The following CSRNP2 variants were observed in gnomAD, a reference collection of about 807,000 sequenced individuals.
The protein encoded by CSRNP2 is cysteine and serine rich nuclear protein 2.
CSRNP2 carries 11 observed loss-of-function variants against 36.6 expected under a neutral mutation model. The observed-to-expected ratio is 0.30, with a 90% confidence interval of 0.19 to 0.50. The LOEUF (loss-of-function observed/expected upper bound fraction) is 0.50, where lower values mean the gene tolerates loss of function less well. CSRNP2 is among the 20% of genes least tolerant of loss of function. CSRNP2 has a pLI of 0.98. For synonymous variants in CSRNP2, 248 were observed against 275.3 expected, an observed-to-expected ratio of 0.90 and a Z score of 0.98; for missense variants, 483 against 691.4, an observed-to-expected ratio of 0.70 and a Z score of 3.38.
intron 2 of CSRNP2, among the ~76,000 whole-genome samples, chr12:51,075,880 C>A (rs1447730683): frequency 1.3e-5 from 2 of 152,126 alleles, no homozygotes; most frequent in Non-Finnish European, 2.9e-5. Context: ...GAAACCTTGT[C>A]TCTACTAAAA....
At chr12:51,068,007 A>G in intron 3 of CSRNP2, 38 bp from the exon 4 acceptor site, 1 of 1,586,892 alleles carries the variant, frequency 6.3e-7, no homozygotes, top group Non-Finnish European at 8.6e-7. Context: ...CATAGACATG[A>G]GCGGCATGCA....
rs1262879432 is a variant in CSRNP2, at chr12:51,073,820, C to T, written c.411+3G>A. On this transcript the variant is annotated splice_donor_region_variant and intron_variant, in intron 3 of 4. Transcript: ENST00000228515. ...AGCAGTAGATCCCAGAACACTTAGG[C>T]ACCTTCATTTTCTTGGCATGGAGTT... The T allele has an allele frequency of 3.1e-6, 5 of 1,613,032 alleles. No individual in the cohort carries two copies. The highest frequency in any genetic ancestry group is 4.2e-6 in the Non-Finnish European group (5 of 1,179,684).
At chr12:51,080,101 A>AAAAAAAG (rs1939574124) in intron 1 of CSRNP2, among the ~76,000 whole-genome samples, 2 of 135,310 alleles carry the variant, frequency 1.5e-5, no homozygotes, top group South Asian at 2.6e-4. Flanking sequence ...AAAAAAAAAG[A>AAAAAAAG]GGGAGGGAGG....
In CSRNP2 at chr12:51,062,208, T is replaced by C. The variant is rs1382577721; in HGVS notation, c.*1538A>G. On this transcript the variant is annotated 3_prime_UTR_variant, in exon 5 of 5. Transcript: ENST00000228515. ...TTTCTGTAAGACACCAGGGCCTTAA[T>C]ATCCCACCAGAAAAGGCTTTATGAG... 2.0e-5 allele frequency: 3 copies of C among 152,186 alleles called. No individual in the cohort carries two copies. The highest frequency in any genetic ancestry group is 3.8e-4 in the East Asian group (2 of 5,198). The allele number at this position is 152,186 out of a possible 1,614,324, so 9.4% of individuals were successfully genotyped here.
At chr12:51,072,569 A>C (rs4768954) in intron 3 of CSRNP2, among the ~76,000 whole-genome samples, 445 of 40,630 alleles carry the variant, frequency 0.011, no homozygotes, top group Admixed American at 0.028. Flanking sequence ...TCTCAAAAAA[A>C]AAAAAAAAAA....
rs1247520672 is a variant in CSRNP2 at position 51,064,225 on chromosome 12, G to C, written c.1153C>G (p.Leu385Val). ...CACAGGACAGAGGAGCCTGGGGGCAGCTGAGCCTGGATGAGAATGGGGGCT... is the reference window on the plus strand; with the variant it reads ...CACAGGACAGAGGAGCCTGGGGGCACCTGAGCCTGGATGAGAATGGGGGCT... ...LTAPILIQAQ[L>V]PPGSSVLCFT... The change falls in exon 5 of 5, where the codon CTG (leucine) becomes GTG (valine). Residue 385 changes from leucine (L) to valine (V), a missense_variant. Around this residue, in one of 2 missense-constraint regions of CSRNP2, gnomAD observed 277 missense variants for 323.6 expected, o/e 0.86. Transcript: ENST00000228515. 6.2e-7 allele frequency: 1 copy of C among 1,613,766 alleles called. No individual in the cohort carries two copies. The highest frequency in any genetic ancestry group is 1.1e-5 in the South Asian group (1 of 91,062).
At chr12:51,066,959 A>C (rs78231216) in intron 4 of CSRNP2, among the ~76,000 whole-genome samples, 1 of 151,738 alleles carries the variant, frequency 6.6e-6, no homozygotes, top group Non-Finnish European at 1.5e-5. Context: ...CCTCTTGAGT[A>C]CCTGGGACTA....
At chr12:51,075,473 A>G (rs567827946) in intron 2 of CSRNP2, among the ~76,000 whole-genome samples, 10 of 152,366 alleles carry the variant, frequency 6.6e-5, no homozygotes, top group African/African-American at 2.4e-4. Context: ...TGGACAATGC[A>G]GATACAGAAC....
At chr12:51,077,781 T>C (rs1039590504) in intron 1 of CSRNP2, among the ~76,000 whole-genome samples, 1 of 152,218 alleles carries the variant, frequency 6.6e-6, no homozygotes, top group Non-Finnish European at 1.5e-5. Context: ...CTTTGCCCTC[T>C]ATAAAGAAAT....
chr12:51,067,724 C>G lies in CSRNP2; in HGVS notation c.657G>C (p.Leu219=), dbSNP rs747286532. ...AGGCACACGCTTCTGGGTCACAATA[C>G]AGTCGGCAGTCACAACCACATTCTT... is the stretch of plus-strand genomic sequence containing the variant. ...SREECGCDCR[L]YCDPEACACS... is the part of the protein sequence containing the mutation. Residue 219 remains leucine (L), a synonymous_variant, in exon 4 of 5, where the codon CTG becomes CTC. Transcript: ENST00000228515. The surrounding 1 kb of genome is among the most constrained non-coding windows in gnomAD (Gnocchi z 4.1). 1 of 1,614,196 alleles carries G rather than the reference C, an allele frequency of 6.2e-7. No individual in the cohort carries two copies. The highest frequency in any genetic ancestry group is 1.3e-5 in the African/African-American group (1 of 75,046).
rs371205128 is a variant in CSRNP2, at chr12:51,064,821, T to G, written c.709-152A>C. 9.0e-6 allele frequency: 5 copies of G among 554,702 alleles called. No individual in the cohort carries two copies. The African/African-American group carries it at 9.3e-5, about 10-fold the overall frequency. The allele number at this position is 554,702 out of a possible 1,614,324, so 34.4% of individuals were successfully genotyped here. A position where few individuals can be genotyped will look rare whatever the true frequency, so the allele number is the denominator to read the frequency against. On this transcript the variant is annotated intron_variant, in intron 4 of 4. Transcript: ENST00000228515. Reference sequence around the variant, plus strand: ...TCAAAGCATAGCATGCAGTGTGAGCTAACAGAACACTAGATGGTAGTTATC... The same window carrying G: ...TCAAAGCATAGCATGCAGTGTGAGCGAACAGAACACTAGATGGTAGTTATC...
At position 51,063,539 on chromosome 12, in the gene CSRNP2, TATC is replaced by T; in HGVS notation, c.*204_*206del. 2.4e-6 allele frequency: 1 copy of T among 414,010 alleles called. No individual in the cohort carries two copies. Among genetic ancestry groups the T allele is most frequent in the Non-Finnish European group, 4.3e-6 (1 of 233,844 alleles). The allele number at this position is 414,010 out of a possible 1,614,324, so 25.6% of individuals were successfully genotyped here. A position where few individuals can be genotyped will look rare whatever the true frequency, so the allele number is the denominator to read the frequency against. On this transcript the variant is annotated 3_prime_UTR_variant, in exon 5 of 5. Coordinates refer to ENST00000228515, the MANE Select transcript of CSRNP2 (RefSeq NM_030809.3). The stretch of plus-strand genomic sequence containing the variant: ...TACGCAGCTTTCTTTGCCCCAAGAC[TATC>T]CCCAGATCAAGGTAGGGCTGGTCTC...
chr12:51,070,168 C>T (rs535427902), intron 3 of CSRNP2, among the ~76,000 whole-genome samples: 2 of 152,132 alleles, frequency 1.3e-5, no homozygotes, highest in Admixed American at 6.6e-5. Context: ...ATGAAAGCCA[C>T]GTGACTGGAG....
At chr12:51,065,309 C>T (rs941543660) in intron 4 of CSRNP2, among the ~76,000 whole-genome samples, 4 of 152,186 alleles carry the variant, frequency 2.6e-5, no homozygotes, top group African/African-American at 9.7e-5. Context: ...AGATAATTAA[C>T]TTACAGACCA....
At chr12:51,071,239 A>C (rs1425373146) in intron 3 of CSRNP2, among the ~76,000 whole-genome samples, 2 of 145,804 alleles carry the variant, frequency 1.4e-5, no homozygotes, top group Non-Finnish European at 3.0e-5. Context: ...CAGCCTGGGC[A>C]ACGGAGTGAG....
chr12:51,063,922 G>A lies in CSRNP2; in HGVS notation c.1456C>T (p.Pro486Ser), dbSNP rs1444626686. 6.2e-7 allele frequency: 1 copy of A among 1,613,936 alleles called. No individual in the cohort carries two copies. The change falls in exon 5 of 5, where the codon CCC (proline) becomes TCC (serine). Residue 486 changes from proline (P) to serine (S), a missense_variant. Physicochemically the swap from Pro to Ser is moderately conservative, Grantham distance 74. Coordinates refer to ENST00000228515, the MANE Select transcript of CSRNP2 (RefSeq NM_030809.3). ...GGCTCCTCAGGGTTACAATCTTCGG[G>A]CAATAGAGCTTCTAGGGTGGGTGTT... The part of the protein sequence containing the change: ...GKTPTLEALL[P>S]EDCNPEEPEN...
At position 51,071,868 on chromosome 12, in the gene CSRNP2, G is replaced by A. The variant is rs148338056; in HGVS notation, c.411+1955C>T. Among the ~76,000 whole-genome samples the A allele has an allele frequency of 3.4e-4, 52 of 152,238 alleles. No individual in the cohort carries two copies. In the East Asian group the frequency reaches 8.7e-3, roughly 25 times the overall value. On this transcript the variant is annotated intron_variant, in intron 3 of 4. Coordinates refer to ENST00000228515, the MANE Select transcript of CSRNP2 (RefSeq NM_030809.3). Reference sequence around the variant, plus strand: ...TGTTTATTTGCCCAGCTGTTGCTACGGCAGCTGGAAGGTGACAGGGTCAGT... The same window carrying A: ...TGTTTATTTGCCCAGCTGTTGCTACAGCAGCTGGAAGGTGACAGGGTCAGT...
At chr12:51,079,768 T>TCA (rs1939549856) in intron 1 of CSRNP2, among the ~76,000 whole-genome samples, 1 of 8,232 alleles carries the variant, frequency 1.2e-4, no homozygotes, top group Non-Finnish European at 3.6e-4. Flanking sequence ...GGAGACCTTG[T>TCA]CAAAAAAAAA....
rs765214142 is a variant in CSRNP2 at position 51,063,839 on chromosome 12, G to A, written c.1539C>T (p.Asp513=). 23 of 1,613,948 alleles carry A rather than the reference G, an allele frequency of 1.4e-5. No individual in the cohort carries two copies. The highest frequency in any genetic ancestry group is 1.8e-5 in the Non-Finnish European group (21 of 1,179,896). ...WSPSSLPFRT[D]NEEGCGMVKT... is the part of the protein sequence containing the mutation. ...TCACCATCCCACAGCCCTCTTCATT[G>A]TCCGTGCGGAAGGGGAGGCTTGAGG... The change falls in exon 5 of 5, where the codon GAC becomes GAT. Residue 513 remains aspartate (D), a synonymous_variant. Transcript: ENST00000228515.
Sources: gnomAD v4.1 joint callset for allele counts (sites outside exome capture counted in the v4.1 genomes callset) on GRCh38, gnomAD v4.1.1 for gene constraint, gnomAD v4.1.1 regional missense constraint, Gnocchi (gnomAD v3.1) non-coding constraint, MANE v1.5 for transcripts, NCBI Gene and HGNC (gene_info 2026-07-23, HGNC 2026-07-21) for gene names.